CYB5R4: variants seen among roughly 807,000 people sequenced by gnomAD.
CYB5R4 encodes N-terminal cytochrome b5 and cytochrome b5 oxidoreductase domain-containing protein.
A neutral mutation model predicts 70.2 loss-of-function variants in CYB5R4; 55 were observed. The observed-to-expected ratio is 0.78, with a 90% confidence interval of 0.63 to 0.98. The LOEUF is 0.98. CYB5R4 is among the 50% of genes least tolerant of loss of function. The pLI, the probability that CYB5R4 is intolerant of heterozygous loss-of-function variation, is 0.00. For missense variants in CYB5R4, 562 were observed against 612.6 expected, an observed-to-expected ratio of 0.92 and a Z score of 0.87; for synonymous variants, 197 against 199.5, an observed-to-expected ratio of 0.99 and a Z score of 0.11.
chr6:83,959,863 T>C lies in CYB5R4; in HGVS notation c.1551T>C (p.His517=). The C allele has an allele frequency of 1.2e-6, 2 of 1,600,248 alleles. No individual in the cohort carries two copies. Among genetic ancestry groups the C allele is most frequent in the Non-Finnish European group, 8.5e-7 (1 of 1,174,176 alleles). Residue 517 remains histidine (H), a synonymous_variant, in exon 16 of 16, where the codon CAT becomes CAC. Coordinates refer to ENST00000369681, the MANE Select transcript of CYB5R4 (RefSeq NM_016230.4). The part of the protein sequence containing the change: ...HDLNFSKNEI[H]SFTA ...TCAACTTTTCCAAAAATGAGATCCATAGTTTTACAGCATAATGAAGAGCTG... is the reference window on the plus strand; with the variant it reads ...TCAACTTTTCCAAAAATGAGATCCACAGTTTTACAGCATAATGAAGAGCTG...
At chr6:83,946,230 C>A (rs1246399836) in intron 14 of CYB5R4, among the ~76,000 whole-genome samples, 1 of 152,198 alleles carries the variant, frequency 6.6e-6, no homozygotes, top group Non-Finnish European at 1.5e-5. Flanking sequence ...CCACCACGAT[C>A]AAGTGGGCTT....
chr6:83,901,411 CT>C (rs1245818554), intron 3 of CYB5R4, among the ~76,000 whole-genome samples: 1 of 152,140 alleles, frequency 6.6e-6, no homozygotes, highest in Non-Finnish European at 1.5e-5. Flanking sequence ...TTCATTTCAA[CT>C]TTGGTGAATC....
intron 14 of CYB5R4, among the ~76,000 whole-genome samples, chr6:83,942,335 A>T (rs2099469893): frequency 1.3e-5 from 2 of 152,196 alleles, no homozygotes; most frequent in Admixed American, 1.3e-4. Context: ...GAGCAGAAGC[A>T]TGGTGGGGTG....
chr6:83,956,384 G>A (rs1190658279), intron 15 of CYB5R4, among the ~76,000 whole-genome samples: 1 of 152,110 alleles, frequency 6.6e-6, no homozygotes, highest in African/African-American at 2.4e-5. Flanking sequence ...GGGGGGCACG[G>A]GTTTCCAGGC....
chr6:83,901,473 C>A (rs1402904164), intron 3 of CYB5R4, among the ~76,000 whole-genome samples: 1 of 152,106 alleles, frequency 6.6e-6, no homozygotes, highest in South Asian at 2.1e-4. Flanking sequence ...TCTTAGTGGA[C>A]TTCTGTGTAT....
Position 83,924,417 on chromosome 6 carries a change from A to ATTG in CYB5R4, c.692-53_692-52insTTG, listed in dbSNP as rs2099466949. The stretch of plus-strand genomic sequence containing the variant: ...ATTTGAGAAATACTGGTTTTAAAAT[A>ATTG]AAATCTTGTATTTAGTATCGATGAA... On this transcript the variant is annotated intron_variant, in intron 9 of 15. Transcript: ENST00000369681. The ATTG allele has an allele frequency of 3.8e-6, 6 of 1,578,138 alleles. No individual in the cohort carries two copies. The African/African-American group carries it at 6.8e-5, about 18-fold the overall frequency.
At chr6:83,915,235 AC>A (rs1394356057) in intron 5 of CYB5R4, among the ~76,000 whole-genome samples, 1 of 152,184 alleles carries the variant, frequency 6.6e-6, no homozygotes, top group Non-Finnish European at 1.5e-5. Flanking sequence ...CATGGTGCTA[AC>A]TCTGACTGAA....
chr6:83,946,179 ATACTTGCAAACT>A (rs1334824969), intron 14 of CYB5R4, among the ~76,000 whole-genome samples: 8 of 152,240 alleles, frequency 5.3e-5, no homozygotes, highest in Non-Finnish European at 8.8e-5. Flanking sequence ...CCTCAATAAA[ATACTTGCAAACT>A]GAATCCAGCA....
intron 12 of CYB5R4, 66 bp from the exon 13 acceptor site, chr6:83,939,990 C>A: frequency 1.6e-6 from 2 of 1,231,116 alleles, no homozygotes; most frequent in South Asian, 1.6e-5. Context: ...TTAGTTTCCC[C>A]GCTGGGTTTT....
intron 2 of CYB5R4, among the ~76,000 whole-genome samples, chr6:83,882,916 G>T (rs1254155450): frequency 1.3e-5 from 2 of 152,200 alleles, no homozygotes; most frequent in Non-Finnish European, 2.9e-5. Flanking sequence ...AGAGGTTGCA[G>T]TGAGCCGAGA....
At chr6:83,865,204 T>A (rs559460309) in intron 2 of CYB5R4, among the ~76,000 whole-genome samples, 2 of 152,362 alleles carry the variant, frequency 1.3e-5, no homozygotes, top group South Asian at 4.1e-4. Flanking sequence ...GACTTGTATT[T>A]GTTCAATGAG....
At chr6:83,875,995 T>C (rs1301170829) in intron 2 of CYB5R4, among the ~76,000 whole-genome samples, 1 of 152,194 alleles carries the variant, frequency 6.6e-6, no homozygotes, top group Non-Finnish European at 1.5e-5. Context: ...GGAGTCGCTC[T>C]GGTTCGAACG....
intron 3 of CYB5R4, among the ~76,000 whole-genome samples, chr6:83,896,712 T>C (rs1023949932): frequency 6.6e-6 from 1 of 152,242 alleles, no homozygotes; most frequent in Non-Finnish European, 1.5e-5. Context: ...TTTTTGCTAT[T>C]GTGAATGGTG....
At chr6:83,927,938 C>A (rs568608810) in intron 10 of CYB5R4, among the ~76,000 whole-genome samples, 2 of 152,104 alleles carry the variant, frequency 1.3e-5, no homozygotes, top group East Asian at 3.9e-4. Context: ...CCCATTAGAA[C>A]AAAAGATGCT....
chr6:83,937,094 G>A (rs750305423), intron 12 of CYB5R4, among the ~76,000 whole-genome samples: 98 of 152,174 alleles, frequency 6.4e-4, no homozygotes, highest in African/African-American at 2.3e-3. Context: ...GGCCAACATG[G>A]GGAAACTCTG....
chr6:83,939,982 A>C (rs1037057320), intron 12 of CYB5R4, 74 bp from the exon 13 acceptor site: 1 of 1,119,410 alleles, frequency 8.9e-7, no homozygotes. Context: ...TTGGCTTCTT[A>C]GTTTCCCCGC....
At chr6:83,877,968 T>C (rs1164395017) in intron 2 of CYB5R4, among the ~76,000 whole-genome samples, 1 of 152,158 alleles carries the variant, frequency 6.6e-6, no homozygotes, top group Non-Finnish European at 1.5e-5. Context: ...TTAGCCTATA[T>C]TGTCCCAGGG....
chr6:83,869,791 C>G (rs888199951), intron 2 of CYB5R4, among the ~76,000 whole-genome samples: 6 of 151,986 alleles, frequency 3.9e-5, no homozygotes, highest in Non-Finnish European at 8.8e-5. Context: ...CCATTGCACT[C>G]CAGCCTGGGC....
rs181307190 is a variant in CYB5R4, at chr6:83,892,528, C to G, written c.230-994C>G. 3.0e-3 allele frequency among the ~76,000 whole-genome samples: 456 copies of G among 152,218 alleles called. 3 individuals are homozygous for G. The highest frequency in any genetic ancestry group is 9.9e-3 in the African/African-American group (410 of 41,556). ...CAAGAATGAAAAAGCAACTTACTTC[C>G]TTGGGAGAGCTGTGCATTGAGATAT... On this transcript the variant is annotated intron_variant, in intron 2 of 15. Coordinates refer to ENST00000369681, the MANE Select transcript of CYB5R4 (RefSeq NM_016230.4).
Sources: gnomAD v4.1 joint callset for allele counts (sites outside exome capture counted in the v4.1 genomes callset) on GRCh38, gnomAD v4.1.1 for gene constraint, MANE v1.5 for transcripts, NCBI Gene and HGNC (gene_info 2026-07-23, HGNC 2026-07-21) for gene names.